The following HTT variants were observed in gnomAD, a reference collection of about 807,000 sequenced individuals.
The protein encoded by HTT is huntingtin, also known as huntington disease protein.
In HTT, 104 loss-of-function variants were observed where a neutral mutation model predicts 362.3. That is an observed-to-expected ratio of 0.29 (90% CI 0.24 to 0.34). The LOEUF (loss-of-function observed/expected upper bound fraction) is 0.34, where lower values mean the gene tolerates loss of function less well. Among genes scored for constraint, HTT ranks in the 10% least tolerant of loss-of-function variants. The pLI, the probability that HTT is intolerant of heterozygous loss-of-function variation, is 1.00. For synonymous variants in HTT, 1,577 were observed against 1,548.7 expected, an observed-to-expected ratio of 1.02 and a Z score of -0.43; for missense variants, 3,301 against 3,928.6, an observed-to-expected ratio of 0.84 and a Z score of 4.27.
In HTT at chr4:3,075,029, CCCG is replaced by C; in HGVS notation, c.213_215del (p.Pro76del). The C allele has an allele frequency of 8.0e-7, 1 of 1,244,164 alleles. No homozygotes were observed. Among genetic ancestry groups the C allele is most frequent in the Non-Finnish European group, 1.0e-6 (1 of 999,504 alleles). 77.1% of individuals were successfully genotyped at this position (1,244,164 alleles called of 1,614,324 possible). On this transcript the variant is annotated inframe_deletion, in exon 1 of 67. Transcript: ENST00000355072. ...CGCTGCTGCCTCAGCCGCAGCCGCC[CCCG>C]CCGCCGCCCCCGCCGCCACCCGGCC...
intron 35 of HTT, 25 bp downstream of exon 35, chr4:3,178,471 C>A: frequency 3.7e-6 from 6 of 1,608,570 alleles, no homozygotes; most frequent in East Asian, 2.2e-5. Context: ...CTTTCACTGT[C>A]GTCTTCGGTG....
intron 12 of HTT, 102 bp from the exon 13 acceptor site, chr4:3,129,822 G>A: frequency 1.5e-6 from 2 of 1,346,254 alleles, no homozygotes; most frequent in East Asian, 4.6e-5. Context: ...TTTGTGTTCT[G>A]TGTGTAAAAT....
intron 22 of HTT, among the ~76,000 whole-genome samples, chr4:3,142,133 A>G (rs1229896689): frequency 6.6e-6 from 1 of 152,210 alleles, no homozygotes; most frequent in African/African-American, 2.4e-5. Flanking sequence ...TGCGTGATAG[A>G]TACAATGACC....
chr4:3,160,501 G>A (rs2110218220), intron 29 of HTT, 109 bp downstream of exon 29: 1 of 757,082 alleles, frequency 1.3e-6, no homozygotes, highest in South Asian at 1.5e-5. Context: ...GCCTCCGGGA[G>A]ACTCCTCCCT....
rs1292754620 is a variant in HTT at position 3,160,327 on chromosome 4, C to T, written c.3799C>T (p.Leu1267Phe). 4 of 1,554,242 alleles carry T rather than the reference C, an allele frequency of 2.6e-6. No individual in the cohort carries two copies. Among genetic ancestry groups the T allele is most frequent in the East Asian group, 2.4e-5 (1 of 41,614 alleles). The part of the protein sequence containing the change: ...QNSTEKFGGF[L>F]RSALDVLSQI... ...CAGCACGGAAAAGTTTGGAGGGTTT[C>T]TCCGCTCAGCCTTGGATGTTCTTTC... The change falls in exon 29 of 67, where the codon CTC (leucine) becomes TTC (phenylalanine). Residue 1267 changes from leucine (L) to phenylalanine (F), a missense_variant. Leu to Phe is a conservative substitution (Grantham distance 22). Around this residue, in one of 4 missense-constraint regions of HTT, gnomAD observed 2,316 missense variants for 2,658.5 expected, o/e 0.87. Coordinates refer to ENST00000355072, the MANE Select transcript of HTT (RefSeq NM_001388492.1).
At chr4:3,124,623 T>A (rs1715439848) in intron 10 of HTT, among the ~76,000 whole-genome samples, 1 of 152,186 alleles carries the variant, frequency 6.6e-6, no homozygotes. Context: ...AGAGATGGCT[T>A]TTGTTAAGAT....
intron 1 of HTT, among the ~76,000 whole-genome samples, chr4:3,083,296 G>A (rs1467258391): frequency 6.6e-6 from 1 of 152,086 alleles, no homozygotes; most frequent in East Asian, 1.9e-4. Flanking sequence ...TGTGGTGGGA[G>A]GATTGCCTGA....
intron 8 of HTT, among the ~76,000 whole-genome samples, chr4:3,116,712 G>A (rs1315918759): frequency 6.6e-6 from 1 of 152,184 alleles, no homozygotes; most frequent in Non-Finnish European, 1.5e-5. Context: ...AGGAGATAGG[G>A]ACGTGGTCGT....
chr4:3,219,528 G>A (rs1720579121), intron 52 of HTT, among the ~76,000 whole-genome samples: 2 of 152,174 alleles, frequency 1.3e-5, no homozygotes, highest in African/African-American at 4.8e-5. Flanking sequence ...CTTTCCTGTG[G>A]TGAGGTAAGA....
At position 3,074,996 on chromosome 4, in the gene HTT, G is replaced by A. The variant is rs1442265763; in HGVS notation, c.171G>A (p.Gln57=). 6.8e-7 allele frequency: 1 copy of A among 1,464,440 alleles called. No individual in the cohort carries two copies. Among genetic ancestry groups the A allele is most frequent in the South Asian group, 1.3e-5 (1 of 77,710 alleles). 90.7% of individuals were successfully genotyped at this position (1,464,440 alleles called of 1,614,324 possible). Residue 57 remains glutamine, a synonymous_variant, in exon 1 of 67, where the codon CAG becomes CAA. Transcript: ENST00000355072. The stretch of plus-strand genomic sequence containing the variant: ...CTCAGCTTCCTCAGCCGCCGCCGCA[G>A]GCACAGCCGCTGCTGCCTCAGCCGC... ...PPPQLPQPPP[Q]AQPLLPQPQP...
chr4:3,139,411 T>A (rs549440301), intron 21 of HTT, among the ~76,000 whole-genome samples: 37 of 152,266 alleles, frequency 2.4e-4, no homozygotes, highest in African/African-American at 8.2e-4. Flanking sequence ...TTGGCCGGGC[T>A]GATCTTGAAC....
chr4:3,122,486 T>C (rs1177263808), intron 9 of HTT, among the ~76,000 whole-genome samples: 1 of 152,242 alleles, frequency 6.6e-6, no homozygotes, highest in African/African-American at 2.4e-5. Flanking sequence ...GAAATGTTAA[T>C]CTGCCTTGTT....
chr4:3,207,187 A>T (rs1719905866), intron 44 of HTT, 94 bp from the exon 45 acceptor site: 9 of 1,202,670 alleles, frequency 7.5e-6, no homozygotes, highest in Non-Finnish European at 9.7e-6. Context: ...TACTAGGATG[A>T]ACTGTACACA....
intron 7 of HTT, 80 bp downstream of exon 7, chr4:3,115,525 C>A: frequency 8.6e-7 from 1 of 1,164,880 alleles, no homozygotes; most frequent in Non-Finnish European, 1.3e-6. Context: ...ACCAGATGAT[C>A]CCTCAGCTTC....
At chr4:3,106,676 CTGA>C (rs1405003754) in intron 5 of HTT, among the ~76,000 whole-genome samples, 5 of 151,880 alleles carry the variant, frequency 3.3e-5, no homozygotes, top group Non-Finnish European at 7.4e-5. Flanking sequence ...TTTCTTCCTC[CTGA>C]TGGTTTTTTT....
Position 3,230,179 on chromosome 4 carries a change from C to T in HTT, c.8265+137C>T, listed in dbSNP as rs190069247. 6.7e-4 allele frequency: 456 copies of T among 680,214 alleles called. 3 individuals carry two copies. In the African/African-American group the frequency reaches 7.5e-3, roughly 11 times the overall value. The allele number at this position is 680,214 out of a possible 1,614,324, so 42.1% of individuals were successfully genotyped here. On this transcript the variant is annotated intron_variant, in intron 60 of 66. Coordinates refer to ENST00000355072, the MANE Select transcript of HTT (RefSeq NM_001388492.1). ...GACCCGAACCGGACTCCACGGCCCACGTGAGCTGCAGTGCTTCTCAGATGG... is the reference window on the plus strand; with the variant it reads ...GACCCGAACCGGACTCCACGGCCCATGTGAGCTGCAGTGCTTCTCAGATGG...
Position 3,079,042 on chromosome 4 carries a change from T to C in HTT, c.263+3954T>C, listed in dbSNP as rs966302873. Among the ~76,000 whole-genome samples, 8 of 152,090 alleles carry C rather than the reference T, an allele frequency of 5.3e-5. No homozygotes were observed. In the East Asian group the frequency reaches 1.2e-3, roughly 22 times the overall value. On this transcript the variant is annotated intron_variant, in intron 1 of 66. Transcript: ENST00000355072. ...CTGGGATTACAGGCATGAGCCACTG[T>C]GCCCGGCCACGCCTGGGTAATTTTT...
chr4:3,151,150 A>G (rs1388352739), intron 26 of HTT, among the ~76,000 whole-genome samples: 1 of 152,096 alleles, frequency 6.6e-6, no homozygotes. Context: ...TTAGATTCTC[A>G]TAGGAGCGTG....
chr4:3,187,786 A>G lies in HTT; in HGVS notation c.5125A>G (p.Thr1709Ala). The change falls in exon 39 of 67, where the codon ACA becomes GCA. Residue 1709 changes from threonine (T) to alanine (A), a missense_variant. Physicochemically the swap from Thr to Ala is moderately conservative, Grantham distance 58. Transcript: ENST00000355072. ...LSFSPYLISCTVINRLRDGDS... is the reference protein window; with the variant it reads ...LSFSPYLISCAVINRLRDGDS... The stretch of plus-strand genomic sequence containing the variant: ...CTTCTCTCCGTATTTAATCTCCTGT[A>G]CAGTAATTAATAGGTTAAGAGATGG... 6.2e-7 allele frequency: 1 copy of G among 1,612,288 alleles called. No individual in the cohort carries two copies. Among genetic ancestry groups the G allele is most frequent in the Non-Finnish European group, 8.5e-7 (1 of 1,178,318 alleles).
Sources: gnomAD v4.1 joint callset for allele counts (sites outside exome capture counted in the v4.1 genomes callset) on GRCh38, gnomAD v4.1.1 for gene constraint, gnomAD v4.1.1 regional missense constraint, MANE v1.5 for transcripts, NCBI Gene and HGNC (gene_info 2026-07-23, HGNC 2026-07-21) for gene names.